MBD1: variants seen among roughly 807,000 people sequenced by gnomAD.
MBD1 encodes the protein methyl-CpG-binding domain protein 1.
Under a neutral mutation model 82.6 loss-of-function variants are expected in MBD1, and 25 were observed. That is an observed-to-expected ratio of 0.30 (90% CI 0.22 to 0.42). The LOEUF is 0.42. Among genes scored for constraint, MBD1 ranks in the 10% least tolerant of loss-of-function variants. The pLI is 1.00. For synonymous variants in MBD1, 301 were observed against 303.7 expected, an observed-to-expected ratio of 0.99 and a Z score of 0.09; for missense variants, 627 against 819.6, an observed-to-expected ratio of 0.76 and a Z score of 2.87.
Position 50,276,955 on chromosome 18 carries a change from G to A in MBD1, c.269C>T (p.Ser90Leu). 4 of 1,614,260 alleles carry A rather than the reference G, an allele frequency of 2.5e-6. No individual in the cohort carries two copies. The highest frequency in any genetic ancestry group is 3.4e-6 in the Non-Finnish European group (4 of 1,180,056). ...ACGTTTCCGAGTCTTGGCTGGCCTT[G>A]AAGGCTTCTTTCGCTTCTTGCTGGC... is the stretch of plus-strand genomic sequence containing the variant. Reference protein sequence around the residue: ...AVASKKRKKPSRPAKTRKRQV... With the variant: ...AVASKKRKKPLRPAKTRKRQV... The change falls in exon 4 of 17, where the codon TCA (serine) becomes TTA (leucine). Residue 90 changes from serine to leucine, a missense_variant. Physicochemically the swap from Ser to Leu is moderately radical, Grantham distance 145 (BLOSUM62 -2). Around this residue, in one of 6 missense-constraint regions of MBD1, gnomAD observed 75 missense variants for 74.7 expected, o/e 1.00. Transcript: ENST00000269468.
At chr18:50,270,628 G>A (rs1412489813) in intron 16 of MBD1, 2 of 311,866 alleles carry the variant, frequency 6.4e-6, no homozygotes, top group South Asian at 5.8e-5. Context: ...GATATATCCT[G>A]TAGGGTTTGA....
intron 2 of MBD1, among the ~76,000 whole-genome samples, chr18:50,277,818 T>G (rs2038626613): frequency 6.6e-6 from 1 of 152,148 alleles, no homozygotes; most frequent in Non-Finnish European, 1.5e-5. Context: ...AGTATACTTT[T>G]TCCAAAGGGA....
chr18:50,279,263 T>C (rs1315344789), intron 2 of MBD1, among the ~76,000 whole-genome samples: 1 of 152,220 alleles, frequency 6.6e-6, no homozygotes, highest in East Asian at 1.9e-4. Flanking sequence ...TTCTCATCTC[T>C]TACATAGCTT....
Position 50,271,507 on chromosome 18 carries a change from C to T in MBD1, c.1812G>A (p.Lys604=). The T allele has an allele frequency of 6.2e-7, 1 of 1,614,172 alleles. No individual in the cohort carries two copies. Among genetic ancestry groups the T allele is most frequent in the Non-Finnish European group, 8.5e-7 (1 of 1,180,026 alleles). ...SKDLKKPGAR[K]Q ...GTCTGTAGAAGCCTCCAGTCTACTG[C>T]TTTCTAGCTCCAGGTTTTTTAAGGT... Residue 604 remains lysine (K), a synonymous_variant, in exon 16 of 17, where the codon AAG becomes AAA. Transcript: ENST00000269468.
intron 16 of MBD1, chr18:50,270,223 C>A (rs2034945132): frequency 6.9e-7 from 1 of 1,458,440 alleles, no homozygotes; most frequent in African/African-American, 1.4e-5. Flanking sequence ...TAATCCATGT[C>A]TGAATTACTT....
chr18:50,274,000 G>A, intron 11 of MBD1, 137 bp from the exon 12 acceptor site: 1 of 1,321,408 alleles, frequency 7.6e-7, no homozygotes, highest in Non-Finnish European at 1.1e-6. Context: ...TCATCACTGA[G>A]CCTGCTAGTC....
At chr18:50,271,668 T>G (rs948456015) in intron 15 of MBD1, 128 bp from the exon 16 acceptor site, 30 of 1,023,968 alleles carry the variant, frequency 2.9e-5, no homozygotes, top group Non-Finnish European at 3.9e-5. Context: ...TTATCTTTTT[T>G]TATATCTTCT....
chr18:50,267,773 A>AGG, downstream of MBD1: 1 of 724,782 alleles, frequency 1.4e-6, no homozygotes, highest in Non-Finnish European at 2.4e-6. Flanking sequence ...AAACTGACAT[A>AGG]TAATAAGTAC....
chr18:50,273,104 C>T, intron 13 of MBD1, 149 bp from the exon 14 acceptor site: 1 of 1,246,750 alleles, frequency 8.0e-7, no homozygotes, highest in Non-Finnish European at 1.1e-6. Context: ...AAAGCTTTCC[C>T]ATTCCCATTC....
At chr18:50,268,271 A>T (rs1030918831), downstream of MBD1, among the ~76,000 whole-genome samples, 3 of 152,192 alleles carry the variant, frequency 2.0e-5, no homozygotes, top group African/African-American at 7.2e-5. Flanking sequence ...CCCGTTGGGG[A>T]TTCCCAAGGT....
Position 50,271,558 on chromosome 18 carries a change from G to T in MBD1, c.1779-18C>A. On this transcript the variant is annotated intron_variant, in intron 15 of 16. Coordinates refer to ENST00000269468, the MANE Select transcript of MBD1 (RefSeq NM_015846.4). ...CTTTGGACCTAGGGAAAAGGGAGCAGGTCTGTATGTTGAATGAGGTTTGCT... is the reference window on the plus strand; with the variant it reads ...CTTTGGACCTAGGGAAAAGGGAGCATGTCTGTATGTTGAATGAGGTTTGCT... 6.2e-7 allele frequency: 1 copy of T among 1,614,188 alleles called. No individual in the cohort carries two copies.
chr18:50,280,408 AG>A (rs1376244803), intron 1 of MBD1, among the ~76,000 whole-genome samples: 2 of 151,098 alleles, frequency 1.3e-5, no homozygotes, highest in Non-Finnish European at 2.9e-5. Context: ...AGACCCCCAT[AG>A]TCCCCATCCT....
chr18:50,281,746 G>T (rs912730968), upstream of MBD1: 2 of 357,880 alleles, frequency 5.6e-6, no homozygotes, highest in African/African-American at 2.1e-5. Context: ...GGCTCTCCTC[G>T]CTGCCCATCT....
intron 2 of MBD1, 124 bp downstream of exon 2, chr18:50,279,759 C>T (rs778142142): frequency 1.2e-5 from 16 of 1,290,148 alleles, no homozygotes; most frequent in Non-Finnish European, 1.5e-5. Flanking sequence ...ACATAAAATC[C>T]GCTAATAAGG....
chr18:50,275,923 G>C lies in MBD1; in HGVS notation c.575C>G (p.Ser192Cys). The C allele has an allele frequency of 6.2e-7, 1 of 1,614,032 alleles. No individual in the cohort carries two copies. The highest frequency in any genetic ancestry group is 8.5e-7 in the Non-Finnish European group (1 of 1,180,020). Residue 192 changes from serine (S) to cysteine (C), a missense_variant, in exon 7 of 17, where the codon TCC (serine) becomes TGC (cysteine). Physicochemically the swap from Ser to Cys is moderately radical, Grantham distance 112 (BLOSUM62 -1). Transcript: ENST00000269468. ...ATGGGGCAGCTGCAGGAGGCAGGTGGAGCAGGCCCCACAGTCTTCTGTTAC... is the reference window on the plus strand; with the variant it reads ...ATGGGGCAGCTGCAGGAGGCAGGTGCAGCAGGCCCCACAGTCTTCTGTTAC... ...CQVTEDCGAC[S>C]TCLLQLPHDV...
intron 7 of MBD1, 23 bp downstream of exon 7, chr18:50,275,812 C>T (rs1220647686): frequency 6.2e-7 from 1 of 1,614,088 alleles, no homozygotes; most frequent in African/African-American, 1.3e-5. Context: ...GAGCCTTGGG[C>T]TCTTTCCACT....
chr18:50,279,543 A>T (rs1299745520), intron 2 of MBD1, among the ~76,000 whole-genome samples: 1 of 152,254 alleles, frequency 6.6e-6, no homozygotes, highest in Non-Finnish European at 1.5e-5. Context: ...TACAAAAATT[A>T]GAAAAATGTG....
In MBD1 at chr18:50,275,726, GCT is replaced by G; in HGVS notation, c.664_665del (p.Ser222ProfsTer44). The G allele has an allele frequency of 6.2e-7, 1 of 1,614,208 alleles. No homozygotes were observed. Among genetic ancestry groups the G allele is most frequent in the Non-Finnish European group, 8.5e-7 (1 of 1,180,030 alleles). ...AGCCCCGGCATACTCCACACCCTCG[GCT>G]CTGTTGGCGGGGGGCAGGTGGGAGC... ...RRRCLRIVER[S>X]RGCGVCRGCQ... On this transcript the variant is annotated frameshift_variant and splice_region_variant, in exon 8 of 17. Coordinates refer to ENST00000269468, the MANE Select transcript of MBD1 (RefSeq NM_015846.4). LOFTEE classifies it high-confidence loss of function.
At chr18:50,279,844 C>G (rs1228691980) in intron 2 of MBD1, 39 bp downstream of exon 2, 2 of 1,613,378 alleles carry the variant, frequency 1.2e-6, no homozygotes, top group Non-Finnish European at 1.7e-6. Context: ...GAATCAGGCT[C>G]TACCCCACTC....
Sources: allele counts gnomAD v4.1 joint callset (sites outside exome capture counted in the v4.1 genomes callset), GRCh38; gene constraint gnomAD v4.1.1; regional missense constraint gnomAD v4.1.1; transcripts MANE v1.5; gene names NCBI Gene and HGNC (gene_info 2026-07-23, HGNC 2026-07-21).